ARID1A: variants seen among roughly 807,000 people sequenced by gnomAD.
ARID1A encodes the protein AT-rich interactive domain-containing protein 1A.
In ARID1A, 20 loss-of-function variants were observed where a neutral mutation model predicts 212.6. That is an observed-to-expected ratio of 0.09 (90% CI 0.07 to 0.14). The LOEUF (loss-of-function observed/expected upper bound fraction) is 0.14, where lower values mean the gene tolerates loss of function less well. Among genes scored for constraint, ARID1A ranks in the 10% least tolerant of loss-of-function variants. The pLI, the probability that ARID1A is intolerant of heterozygous loss-of-function variation, is 1.00. For missense variants in ARID1A, 2,587 were observed against 3,059.0 expected (o/e 0.85, Z 3.64); for synonymous variants, 1,376 against 1,222.1 (o/e 1.13, Z -2.63).
chr1:26,772,149 G>A lies in ARID1A; in HGVS notation c.3407-351G>A, dbSNP rs566278326. ...ACCCAGGACTTGGGAGGCTCTGACT[G>A]GAGCTCATGCACCAGCATTACAGGG... On this transcript the variant is annotated intron_variant, in intron 12 of 19. Coordinates refer to ENST00000324856, the MANE Select transcript of ARID1A (RefSeq NM_006015.6). 22 of 234,676 alleles carry A rather than the reference G, an allele frequency of 9.4e-5. 1 individual carries two copies. The South Asian group carries it at 2.0e-3, about 21-fold the overall frequency. The allele number at this position is 234,676 out of a possible 1,614,324, so 14.5% of individuals were successfully genotyped here.
chr1:26,762,789 C>A (rs539037818), intron 7 of ARID1A, among the ~76,000 whole-genome samples, 184 bp from the exon 8 acceptor site: 1 of 152,342 alleles, frequency 6.6e-6, no homozygotes, highest in Admixed American at 6.5e-5. Context: ...GCCAGCCTTG[C>A]TCTGACCTGC....
Position 26,771,162 on chromosome 1 carries a change from A to G in ARID1A, c.3242A>G (p.Asn1081Ser), listed in dbSNP as rs148400981. Residue 1081 changes from asparagine (N) to serine (S), a missense_variant, in exon 12 of 20, where the codon AAT (asparagine) becomes AGT (serine). Physicochemically the swap from Asn to Ser is conservative, Grantham distance 46. This residue lies in a region of ARID1A where 44 missense variants were observed against 99.5 expected (regional missense o/e 0.44). Coordinates refer to ENST00000324856, the MANE Select transcript of ARID1A (RefSeq NM_006015.6). This position sits in a 1 kb window ranked among gnomAD's most constrained non-coding sequence, Gnocchi z 5.4. Reference protein sequence around the residue: ...KKWRELATNLNVGTSSSAASS... With the variant: ...KKWRELATNLSVGTSSSAASS... Reference sequence around the variant, plus strand: ...TGGCGGGAACTTGCAACCAACCTCAATGTGGGCACATCAAGCAGTGCTGCC... The same window carrying G: ...TGGCGGGAACTTGCAACCAACCTCAGTGTGGGCACATCAAGCAGTGCTGCC... 6.3e-5 allele frequency: 101 copies of G among 1,614,198 alleles called. No homozygotes were observed. The African/African-American group carries it at 1.2e-3, about 19-fold the overall frequency.
chr1:26,733,633 A>G (rs907168552), intron 4 of ARID1A, among the ~76,000 whole-genome samples: 1 of 152,202 alleles, frequency 6.6e-6, no homozygotes. Flanking sequence ...TCTGTGGGCA[A>G]GTTACTCAGC....
At chr1:26,775,324 TTGACTAAAA>T in intron 18 of ARID1A, 104 bp downstream of exon 18, 6 of 1,472,474 alleles carry the variant, frequency 4.1e-6, no homozygotes, top group Non-Finnish European at 5.4e-6. Context: ...TGGTCCAGTG[TTGACTAAAA>T]TAGAACCAAA....
chr1:26,712,260 G>C (rs900728338), intron 1 of ARID1A, among the ~76,000 whole-genome samples: 1 of 152,178 alleles, frequency 6.6e-6, no homozygotes, highest in African/African-American at 2.4e-5. Context: ...ACAGGGCGTT[G>C]GGTGATTTGG....
In ARID1A at chr1:26,762,171, C is replaced by T. The variant is rs2124062940; in HGVS notation, c.2271C>T (p.Pro757=). The T allele has an allele frequency of 6.2e-7, 1 of 1,613,390 alleles. No individual in the cohort carries two copies. The highest frequency in any genetic ancestry group is 8.5e-7 in the Non-Finnish European group (1 of 1,179,668). Residue 757 remains proline (P), a synonymous_variant, in exon 7 of 20, where the codon CCC becomes CCT. Transcript: ENST00000324856. ...AQDRGYMQRN[P]QMPQYSSPQP... ...AAATAGGTTATATGCAGAGGAACCC[C>T]CAGATGCCCCAGTACAGTTCCCCCC... is the stretch of plus-strand genomic sequence containing the variant.
At chr1:26,729,584 T>A (rs1313739218) in intron 1 of ARID1A, 67 bp from the exon 2 acceptor site, 3 of 1,560,516 alleles carry the variant, frequency 1.9e-6, no homozygotes, top group African/African-American at 2.7e-5. Flanking sequence ...CCTGTGTACT[T>A]GGGTTATATA....
intron 1 of ARID1A, among the ~76,000 whole-genome samples, chr1:26,724,453 C>T (rs957519888): frequency 1.3e-5 from 2 of 152,132 alleles, no homozygotes; most frequent in African/African-American, 4.8e-5. Context: ...TTTCTCTTTC[C>T]TGGTGCCACT....
At chr1:26,699,161 A>G (rs990219536) in intron 1 of ARID1A, among the ~76,000 whole-genome samples, 1 of 152,168 alleles carries the variant, frequency 6.6e-6, no homozygotes, top group African/African-American at 2.4e-5. Context: ...TTGCATTTTA[A>G]TGTATGTTCC....
chr1:26,729,757 A>G lies in ARID1A; in HGVS notation c.1244A>G (p.His415Arg), dbSNP rs752001221. ...CCTCCGTCAGGACCGCAGCAAGGAC[A>G]TGGGTACCCAGGGCAGCCATACGGG... ...QGPPSGPQQG[H>R]GYPGQPYGSQ... is the part of the protein sequence containing the mutation. The change falls in exon 2 of 20, where the codon CAT becomes CGT. Residue 415 changes from histidine (H) to arginine (R), a missense_variant. This residue lies in a region of ARID1A where 674 missense variants were observed against 813.4 expected (regional missense o/e 0.83). Transcript: ENST00000324856. 10 of 1,614,112 alleles carry G rather than the reference A, an allele frequency of 6.2e-6. No individual in the cohort carries two copies. The highest frequency in any genetic ancestry group is 4.4e-5 in the South Asian group (4 of 91,086).
At chr1:26,697,643 C>T (rs926381833) in intron 1 of ARID1A, 103 bp downstream of exon 1, 5 of 1,125,386 alleles carry the variant, frequency 4.4e-6, no homozygotes, top group Non-Finnish European at 2.3e-6. Context: ...CAGTCCCGGG[C>T]CCCCACTGCT....
At chr1:26,731,641 G>C in intron 3 of ARID1A, 37 bp downstream of exon 3, 1 of 1,593,484 alleles carries the variant, frequency 6.3e-7, no homozygotes, top group Non-Finnish European at 8.6e-7. Context: ...CCCTGTGTGT[G>C]ACTACAGACA....
At position 26,771,991 on chromosome 1, in the gene ARID1A, A is replaced by G. The variant is rs1277812530; in HGVS notation, c.3407-509A>G. 6.1e-6 allele frequency: 1 copy of G among 163,300 alleles called. No individual in the cohort carries two copies. Among genetic ancestry groups the G allele is most frequent in the Non-Finnish European group, 1.4e-5 (1 of 74,006 alleles). 10.1% of individuals were successfully genotyped at this position (163,300 alleles called of 1,614,324 possible). ...GCTGGGAATGGTAACTATTGGAAACATTAATTACTAGTAGTTTTGTACTCA... is the reference window on the plus strand; with the variant it reads ...GCTGGGAATGGTAACTATTGGAAACGTTAATTACTAGTAGTTTTGTACTCA... On this transcript the variant is annotated intron_variant, in intron 12 of 19. Coordinates refer to ENST00000324856, the MANE Select transcript of ARID1A (RefSeq NM_006015.6). The surrounding 1 kb of genome is among the most constrained non-coding windows in gnomAD (Gnocchi z 5.4).
At chr1:26,741,618 T>C (rs1260618164) in intron 4 of ARID1A, among the ~76,000 whole-genome samples, 3 of 152,202 alleles carry the variant, frequency 2.0e-5, no homozygotes, top group Non-Finnish European at 4.4e-5. Context: ...TAAGGGACGC[T>C]ATACCCTTGG....
intron 1 of ARID1A, among the ~76,000 whole-genome samples, chr1:26,721,795 CA>C (rs1337363238): frequency 2.0e-5 from 3 of 152,078 alleles, no homozygotes; most frequent in African/African-American, 7.2e-5. Flanking sequence ...TTTCTGGTGC[CA>C]AAGAAGTGAA....
chr1:26,755,092 G>A (rs963946162), intron 4 of ARID1A, among the ~76,000 whole-genome samples: 10 of 152,218 alleles, frequency 6.6e-5, no homozygotes, highest in African/African-American at 2.4e-4. Context: ...CTGGGTAACA[G>A]CCAGACCCTG....
At chr1:26,732,609 A>G in intron 3 of ARID1A, 67 bp from the exon 4 acceptor site, 1 of 1,284,086 alleles carries the variant, frequency 7.8e-7, no homozygotes, top group Non-Finnish European at 1.1e-6. Context: ...TAACCCTTTC[A>G]CAGTGAAGTA....
intron 4 of ARID1A, among the ~76,000 whole-genome samples, chr1:26,738,184 C>T (rs147792933): frequency 3.9e-5 from 6 of 152,030 alleles, no homozygotes; most frequent in South Asian, 4.2e-4. Context: ...CTACCACACC[C>T]GGCTAATTTT....
In ARID1A at chr1:26,773,591, G is replaced by C. The variant is rs538431643; in HGVS notation, c.3878G>C (p.Gly1293Ala). 1 of 1,614,226 alleles carries C rather than the reference G, an allele frequency of 6.2e-7. No individual in the cohort carries two copies. Among genetic ancestry groups the C allele is most frequent in the South Asian group, 1.1e-5 (1 of 91,088 alleles). The change falls in exon 16 of 20, where the codon GGA (glycine) becomes GCA (alanine). Residue 1293 changes from glycine (G) to alanine (A), a missense_variant. By Grantham distance (60) the Gly-to-Ala change is moderately conservative. Coordinates refer to ENST00000324856, the MANE Select transcript of ARID1A (RefSeq NM_006015.6). ...CCAATTTTGTTTAGGACGGAGCCTG[G>C]AATAGGGCCTGAGGGAAACATGAGC... ...GPYDRVRTEP[G>A]IGPEGNMSTG...
Sources: gnomAD v4.1 joint callset for allele counts (sites outside exome capture counted in the v4.1 genomes callset) on GRCh38, gnomAD v4.1.1 for gene constraint, gnomAD v4.1.1 regional missense constraint, Gnocchi (gnomAD v3.1) non-coding constraint, MANE v1.5 for transcripts, NCBI Gene and HGNC (gene_info 2026-07-23, HGNC 2026-07-21) for gene names.